Variants in DCPS observed in about 807,000 individuals in gnomAD.
The protein encoded by DCPS is decapping enzyme, scavenger, also known as m7GpppX diphosphatase.
Under a neutral mutation model 34.7 loss-of-function variants are expected in DCPS, and 27 were observed. That is an observed-to-expected ratio of 0.78 (90% confidence interval 0.57 to 1.07). DCPS has a LOEUF of 1.07. Ranked by LOEUF, DCPS falls within the 50% of genes least tolerant of loss-of-function variation. The probability of loss-of-function intolerance (pLI) is 0.00; values close to 1 mark genes in which losing one functional copy is unlikely to be tolerated. For missense variants in DCPS, 464 were observed against 436.9 expected (o/e 1.06, Z -0.55); for synonymous variants, 185 against 185.7 (o/e 1.00, Z 0.03).
intron 4 of DCPS, among the ~76,000 whole-genome samples, chr11:126,339,403 G>A (rs145204335): frequency 4.9e-4 from 75 of 152,312 alleles, no homozygotes; most frequent in East Asian, 1.9e-3. Context: ...CCGCGGGCTC[G>A]CTCCCTGTGC....
Position 126,348,764 on chromosome 11 carries a change from T to C in DCPS, c.*3151T>C, listed in dbSNP as rs1204653795. Among the ~76,000 whole-genome samples, 2 of 152,220 alleles carry C rather than the reference T, an allele frequency of 1.3e-5. No individual in the cohort carries two copies. The highest frequency in any genetic ancestry group is 2.9e-5 in the Non-Finnish European group (2 of 68,044). On this transcript the variant is annotated 3_prime_UTR_variant, in exon 6 of 6. Coordinates refer to ENST00000263579, the MANE Select transcript of DCPS (RefSeq NM_014026.6). The surrounding 1 kb of genome is among the most constrained non-coding windows in gnomAD (Gnocchi z 5.3). The stretch of plus-strand genomic sequence containing the variant: ...GAGGGTAGGAGCTTTGTTTTAGTTA[T>C]CTCTCTATCCCTGGCCCCTAAGACA...
chr11:126,304,312 G>A, intron 1 of DCPS, 31 bp downstream of exon 1: 1 of 1,612,124 alleles, frequency 6.2e-7, no homozygotes, highest in Non-Finnish European at 8.5e-7. Flanking sequence ...GGTGGGATGC[G>A]GGAAGCAGTG....
chr11:126,330,382 A>G (rs1163917554), intron 2 of DCPS, among the ~76,000 whole-genome samples: 1 of 152,122 alleles, frequency 6.6e-6, no homozygotes, highest in Non-Finnish European at 1.5e-5. Flanking sequence ...ATTAAACATC[A>G]CAGCACTTAT....
rs902718019 is a variant in DCPS at position 126,334,702 on chromosome 11, G to A, written c.522+3152G>A. Among the ~76,000 whole-genome samples the A allele has an allele frequency of 2.6e-5, 4 of 152,230 alleles. No homozygotes were observed. Among genetic ancestry groups the A allele is most frequent in the African/African-American group, 9.6e-5 (4 of 41,454 alleles). Reference sequence around the variant, plus strand: ...TGGAGACAGGTCTCAAAGCCAGGCAGTCTGGTCCCAGTATCTGTGCCCTAA... The same window carrying A: ...TGGAGACAGGTCTCAAAGCCAGGCAATCTGGTCCCAGTATCTGTGCCCTAA... On this transcript the variant is annotated intron_variant, in intron 3 of 5. Transcript: ENST00000263579. This position sits in a 1 kb window ranked among gnomAD's most constrained non-coding sequence, Gnocchi z 5.5.
rs1016374538 is a variant in DCPS at position 126,329,884 on chromosome 11, G to C, written c.377-1521G>C. On this transcript the variant is annotated intron_variant, in intron 2 of 5. Coordinates refer to ENST00000263579, the MANE Select transcript of DCPS (RefSeq NM_014026.6). The surrounding 1 kb of genome is among the most constrained non-coding windows in gnomAD (Gnocchi z 5.0). ...GTGAAATGTGCCCGCTGGGTTTTCA[G>C]CTCTCTCGGGTTTCCCTGGGAGAGC... Among the ~76,000 whole-genome samples the C allele has an allele frequency of 6.6e-6, 1 of 152,128 alleles. No homozygotes were observed. Among genetic ancestry groups the C allele is most frequent in the South Asian group, 2.1e-4 (1 of 4,832 alleles).
intron 2 of DCPS, among the ~76,000 whole-genome samples, chr11:126,324,051 T>G (rs1951724672): frequency 1.3e-5 from 2 of 152,264 alleles, no homozygotes; most frequent in Admixed American, 6.5e-5. Flanking sequence ...AGGCTGGTCT[T>G]GAACTTCTGA....
chr11:126,347,263 A>C lies in DCPS; in HGVS notation c.*1650A>C. Among the ~76,000 whole-genome samples, 2 of 131,538 alleles carry C rather than the reference A, an allele frequency of 1.5e-5. No homozygotes were observed. The highest frequency in any genetic ancestry group is 2.3e-4 in the East Asian group (1 of 4,444). 86.3% of individuals were successfully genotyped at this position (131,538 alleles called of 152,430 possible). A position where few individuals can be genotyped will look rare whatever the true frequency, so the allele number is the denominator to read the frequency against. ...TTTTTTGAGACAATCTCGCTCCATC[A>C]CCCAGGCTGGAGTGCAGTGGCACAA... On this transcript the variant is annotated 3_prime_UTR_variant, in exon 6 of 6. Transcript: ENST00000263579. The surrounding 1 kb of genome is among the most constrained non-coding windows in gnomAD (Gnocchi z 4.2).
At position 126,320,697 on chromosome 11, in the gene DCPS, G is replaced by A. The variant is rs1295805835; in HGVS notation, c.377-10708G>A. On this transcript the variant is annotated intron_variant, in intron 2 of 5. Coordinates refer to ENST00000263579, the MANE Select transcript of DCPS (RefSeq NM_014026.6). The surrounding 1 kb of genome is among the most constrained non-coding windows in gnomAD (Gnocchi z 4.7). ...GTGTGCCTATAGTTCCAGCTACCTG[G>A]GAGGTTGAGACGGGAAGATCACTTC... 3.3e-5 allele frequency among the ~76,000 whole-genome samples: 5 copies of A among 152,102 alleles called. No individual in the cohort carries two copies. Among genetic ancestry groups the A allele is most frequent in the African/African-American group, 1.2e-4 (5 of 41,422 alleles).
Position 126,331,348 on chromosome 11 carries a change from T to A in DCPS, c.377-57T>A. ...GGAGTTCTCTCCTCACCGTGGTGCC[T>A]GTGGCATAGAGAGTGGGCATTGCTT... On this transcript the variant is annotated intron_variant, in intron 2 of 5. Coordinates refer to ENST00000263579, the MANE Select transcript of DCPS (RefSeq NM_014026.6). This position sits in a 1 kb window ranked among gnomAD's most constrained non-coding sequence, Gnocchi z 7.2. The A allele has an allele frequency of 6.3e-7, 1 of 1,595,118 alleles. No individual in the cohort carries two copies. Among genetic ancestry groups the A allele is most frequent in the South Asian group, 1.1e-5 (1 of 88,908 alleles).
chr11:126,330,725 T>A (rs1250010991), intron 2 of DCPS, among the ~76,000 whole-genome samples: 29 of 41,904 alleles, frequency 6.9e-4, no homozygotes, highest in African/African-American at 1.7e-3. Flanking sequence ...ATATATTTTT[T>A]TTTTTTTTTT....
Position 126,337,925 on chromosome 11 carries a change from TGTGAGCGGTGGAGGGG to T in DCPS, c.523-358_523-343del, listed in dbSNP as rs558071649. 4.3e-6 allele frequency: 1 copy of T among 231,272 alleles called. No individual in the cohort carries two copies. Among genetic ancestry groups the T allele is most frequent in the African/African-American group, 2.2e-5 (1 of 44,788 alleles). The allele number at this position is 231,272 out of a possible 1,614,324, so 14.3% of individuals were successfully genotyped here. On this transcript the variant is annotated intron_variant, in intron 3 of 5. Coordinates refer to ENST00000263579, the MANE Select transcript of DCPS (RefSeq NM_014026.6). The surrounding 1 kb of genome is among the most constrained non-coding windows in gnomAD (Gnocchi z 5.3). The stretch of plus-strand genomic sequence containing the variant: ...TGGAGGCAGCTCTTCCCCTGAGTCC[TGTGAGCGGTGGAGGGG>T]GTCACTGCTATAGAGGGCAGACACA...
rs1374643513 is a variant in DCPS, at chr11:126,328,045, C to T, written c.377-3360C>T. On this transcript the variant is annotated intron_variant, in intron 2 of 5. Coordinates refer to ENST00000263579, the MANE Select transcript of DCPS (RefSeq NM_014026.6). This position sits in a 1 kb window ranked among gnomAD's most constrained non-coding sequence, Gnocchi z 6.6. The stretch of plus-strand genomic sequence containing the variant: ...GAGGCCTGGATGAAGCGAGGAGCAG[C>T]GTGGCTCGTTGGGTAGGAGGGTCAG... Among the ~76,000 whole-genome samples, 2 of 152,182 alleles carry T rather than the reference C, an allele frequency of 1.3e-5. No individual in the cohort carries two copies. The highest frequency in any genetic ancestry group is 2.4e-5 in the African/African-American group (1 of 41,446).
At chr11:126,310,565 C>T (rs1951611708) in intron 2 of DCPS, among the ~76,000 whole-genome samples, 2 of 152,210 alleles carry the variant, frequency 1.3e-5, no homozygotes, top group Non-Finnish European at 1.5e-5. Context: ...AGGTTGGAGC[C>T]ATGTCGCCCA....
intron 2 of DCPS, among the ~76,000 whole-genome samples, chr11:126,314,004 T>C (rs917976070): frequency 6.6e-6 from 1 of 152,222 alleles, no homozygotes. Context: ...GTTCTCAAAG[T>C]GAAGGTATTT....
At position 126,312,251 on chromosome 11, in the gene DCPS, T is replaced by C. The variant is rs539488719; in HGVS notation, c.376+5507T>C. Among the ~76,000 whole-genome samples the C allele has an allele frequency of 3.9e-5, 6 of 152,304 alleles. No homozygotes were observed. The South Asian group carries it at 6.2e-4, about 16-fold the overall frequency. ...TGGCCAGAAGTGAAACTTTAAACAA[T>C]GCTTACCCATCCGCTATGGCATACT... On this transcript the variant is annotated intron_variant, in intron 2 of 5. Coordinates refer to ENST00000263579, the MANE Select transcript of DCPS (RefSeq NM_014026.6). The surrounding 1 kb of genome is among the most constrained non-coding windows in gnomAD (Gnocchi z 5.1).
In DCPS at chr11:126,315,092, C is replaced by A. The variant is rs1270814672; in HGVS notation, c.376+8348C>A. 6.6e-6 allele frequency among the ~76,000 whole-genome samples: 1 copy of A among 152,060 alleles called. No homozygotes were observed. The highest frequency in any genetic ancestry group is 2.4e-5 in the African/African-American group (1 of 41,314). On this transcript the variant is annotated intron_variant, in intron 2 of 5. Transcript: ENST00000263579. This position sits in a 1 kb window ranked among gnomAD's most constrained non-coding sequence, Gnocchi z 6.1. ...GACATGGAATCAACCTAAATGCCCA[C>A]TTGAGGGTGGAGGGTTGGAGGAGTA...
In DCPS at chr11:126,332,393, T is replaced by C. The variant is rs1195597136; in HGVS notation, c.522+843T>C. The stretch of plus-strand genomic sequence containing the variant: ...CAGAGTTAAATATGACTGATGCTTA[T>C]TGATGAGTCAGTTTCTTGCCCACTC... On this transcript the variant is annotated intron_variant, in intron 3 of 5. Transcript: ENST00000263579. This position sits in a 1 kb window ranked among gnomAD's most constrained non-coding sequence, Gnocchi z 5.4. 6.6e-6 allele frequency among the ~76,000 whole-genome samples: 1 copy of C among 152,230 alleles called. No homozygotes were observed. Among genetic ancestry groups the C allele is most frequent in the East Asian group, 1.9e-4 (1 of 5,188 alleles).
intron 2 of DCPS, among the ~76,000 whole-genome samples, chr11:126,307,319 C>CA (rs1268729589): frequency 1.8e-5 from 2 of 110,772 alleles, no homozygotes; most frequent in Non-Finnish European, 3.7e-5. Flanking sequence ...GGTGATGGAA[C>CA]AAAACCCTAT....
In DCPS at chr11:126,331,522, A is replaced by G; in HGVS notation, c.494A>G (p.His165Arg). 6.2e-7 allele frequency: 1 copy of G among 1,613,984 alleles called. No individual in the cohort carries two copies. Among genetic ancestry groups the G allele is most frequent in the Non-Finnish European group, 8.5e-7 (1 of 1,180,004 alleles). Residue 165 changes from histidine to arginine, a missense_variant, in exon 3 of 6, where the codon CAC (histidine) becomes CGC (arginine). By Grantham distance (29) the His-to-Arg change is conservative (BLOSUM62 0). Transcript: ENST00000263579. This position sits in a 1 kb window ranked among gnomAD's most constrained non-coding sequence, Gnocchi z 7.2. ...GACTACAGGAATATTACTTTACCCC[A>G]CCTGGAGTCCCAGAGCCTCAGCATC... ...GDDYRNITLPHLESQSLSIQW... is the reference protein window; with the variant it reads ...GDDYRNITLPRLESQSLSIQW...
Sources: allele counts gnomAD v4.1 joint callset (sites outside exome capture counted in the v4.1 genomes callset), GRCh38; gene constraint gnomAD v4.1.1; non-coding constraint Gnocchi (gnomAD v3.1); transcripts MANE v1.5; gene names NCBI Gene and HGNC (gene_info 2026-07-23, HGNC 2026-07-21).